KIAA1217: variants seen among roughly 807,000 people sequenced by gnomAD.
The protein encoded by KIAA1217 is KIAA1217.
KIAA1217 carries 88 observed loss-of-function variants against 163.9 expected under a neutral mutation model. The observed-to-expected ratio is 0.54, with a 90% confidence interval of 0.45 to 0.64. The LOEUF is 0.64. Ranked by LOEUF, KIAA1217 falls within the 30% of genes least tolerant of loss-of-function variation. The pLI is 0.00. For synonymous variants in KIAA1217, 903 were observed against 923.1 expected, an observed-to-expected ratio of 0.98 and a Z score of 0.39; for missense variants, 2,372 against 2,475.0, an observed-to-expected ratio of 0.96 and a Z score of 0.88.
rs927194831 is a variant in KIAA1217 at position 24,543,219 on chromosome 10, T to A, written c.3949T>A (p.Cys1317Ser). The change falls in exon 19 of 21, where the codon TGT (cysteine) becomes AGT (serine). Residue 1317 changes from cysteine to serine, a missense_variant. Coordinates refer to ENST00000376454, the MANE Select transcript of KIAA1217 (RefSeq NM_019590.5). ...GATGGAAAAGCAAAATACGGATAAG[T>A]GTCACGTTTCCTCTCACACTAGACT... Reference protein sequence around the residue: ...KEMEKQNTDKCHVSSHTRLTE... With the variant: ...KEMEKQNTDKSHVSSHTRLTE... 6.2e-7 allele frequency: 1 copy of A among 1,612,918 alleles called. No homozygotes were observed. Among genetic ancestry groups the A allele is most frequent in the Non-Finnish European group, 8.5e-7 (1 of 1,179,912 alleles).
chr10:24,172,356 G>T (rs1353635202), intron 2 of KIAA1217, among the ~76,000 whole-genome samples: 2 of 152,288 alleles, frequency 1.3e-5, no homozygotes, highest in East Asian at 3.9e-4. Context: ...AGACAAGATA[G>T]ACTGCTCTGG....
chr10:24,426,960 T>G (rs1409666445), intron 3 of KIAA1217, among the ~76,000 whole-genome samples: 1 of 152,134 alleles, frequency 6.6e-6, no homozygotes, highest in Non-Finnish European at 1.5e-5. Context: ...TGTCCCACAT[T>G]CTGGAACTGA....
At chr10:23,791,253 T>C (rs1183683477) in intron 1 of KIAA1217, among the ~76,000 whole-genome samples, 2 of 152,136 alleles carry the variant, frequency 1.3e-5, no homozygotes, top group East Asian at 3.8e-4. Context: ...TAATGAAAAA[T>C]GTCAAACCTA....
chr10:24,404,489 C>G (rs1236485622), intron 3 of KIAA1217, among the ~76,000 whole-genome samples: 1 of 148,844 alleles, frequency 6.7e-6, no homozygotes, highest in Non-Finnish European at 1.5e-5. Flanking sequence ...ATCTCTTGAA[C>G]CCGGGAGGCA....
intron 1 of KIAA1217, among the ~76,000 whole-genome samples, chr10:23,748,588 A>C: frequency 4.2e-5 from 2 of 47,210 alleles, no homozygotes; most frequent in Admixed American, 2.4e-4. Flanking sequence ...GGAAGGGGGG[A>C]GGGAAGATGG....
At chr10:24,328,465 T>A (rs1238731669) in intron 2 of KIAA1217, among the ~76,000 whole-genome samples, 1 of 150,348 alleles carries the variant, frequency 6.7e-6, no homozygotes, top group Admixed American at 6.7e-5. Context: ...AATGTAACCA[T>A]CTCAAGTTTT....
At chr10:23,761,984 A>G (rs1168067680) in intron 1 of KIAA1217, among the ~76,000 whole-genome samples, 1 of 152,196 alleles carries the variant, frequency 6.6e-6, no homozygotes, top group East Asian at 1.9e-4. Flanking sequence ...ACCTCTATAC[A>G]AATAAACTAG....
chr10:23,814,956 A>G (rs975560439), intron 1 of KIAA1217, among the ~76,000 whole-genome samples: 2 of 152,176 alleles, frequency 1.3e-5, no homozygotes, highest in Non-Finnish European at 2.9e-5. Context: ...CCAGGTCAGG[A>G]TTTTATGGCT....
intron 1 of KIAA1217, among the ~76,000 whole-genome samples, chr10:23,801,354 G>A (rs7900015): frequency 0.05 from 7,669 of 152,124 alleles, 214 homozygotes; most frequent in South Asian, 0.083. Context: ...GAGGGATAGC[G>A]TTAGGATTAA....
At chr10:23,934,575 A>ATGTGTGTG (rs1420302818) in intron 1 of KIAA1217, among the ~76,000 whole-genome samples, 13 of 65,966 alleles carry the variant, frequency 2.0e-4, no homozygotes, top group South Asian at 1.2e-3. Context: ...ATATATATAT[A>ATGTGTGTG]TATATATATA....
intron 1 of KIAA1217, among the ~76,000 whole-genome samples, chr10:23,696,084 C>T (rs181254255): frequency 6.6e-6 from 1 of 152,334 alleles, no homozygotes; most frequent in Admixed American, 6.5e-5. Context: ...CCTCGAGACC[C>T]TCGACATTCT....
At position 24,275,826 on chromosome 10, in the gene KIAA1217, A is replaced by G. The variant is rs375991387; in HGVS notation, c.354+55917A>G. The stretch of plus-strand genomic sequence containing the variant: ...ATCAGTGCAGTTTGGTTAATGATAA[A>G]ATTTTCCAAAGCAGTGTCTCATCTG... On this transcript the variant is annotated intron_variant, in intron 2 of 20. Coordinates refer to ENST00000376454, the MANE Select transcript of KIAA1217 (RefSeq NM_019590.5). 26 of 465,294 alleles carry G rather than the reference A, an allele frequency of 5.6e-5. 1 individual carries two copies. Among genetic ancestry groups the G allele is most frequent in the Admixed American group, 3.8e-4 (15 of 39,568 alleles). The allele number at this position is 465,294 out of a possible 1,614,324, so 28.8% of individuals were successfully genotyped here. A position where few individuals can be genotyped will look rare whatever the true frequency, so the allele number is the denominator to read the frequency against.
intron 2 of KIAA1217, among the ~76,000 whole-genome samples, chr10:24,225,046 C>T (rs190736361): frequency 8.6e-5 from 13 of 151,854 alleles, no homozygotes; most frequent in Non-Finnish European, 1.3e-4. Flanking sequence ...AGGATGGTCT[C>T]GATCTCCTGA....
chr10:23,977,431 G>A (rs564764144), intron 1 of KIAA1217, among the ~76,000 whole-genome samples: 2 of 152,256 alleles, frequency 1.3e-5, no homozygotes, highest in Admixed American at 1.3e-4. Flanking sequence ...CAGCTAATAA[G>A]TGACAGAGTT....
At chr10:24,200,103 G>A (rs2067180010) in intron 2 of KIAA1217, among the ~76,000 whole-genome samples, 1 of 151,834 alleles carries the variant, frequency 6.6e-6, no homozygotes, top group Non-Finnish European at 1.5e-5. Flanking sequence ...TCTACCTCCT[G>A]CTGCTACGCG....
intron 2 of KIAA1217, among the ~76,000 whole-genome samples, chr10:24,246,185 T>C (rs1157175693): frequency 6.6e-6 from 1 of 152,174 alleles, no homozygotes; most frequent in Non-Finnish European, 1.5e-5. Context: ...ATTTCTCCCT[T>C]GTGGGCTGTG....
At chr10:23,912,519 G>T (rs1842479026) in intron 1 of KIAA1217, among the ~76,000 whole-genome samples, 1 of 151,980 alleles carries the variant, frequency 6.6e-6, no homozygotes, top group Non-Finnish European at 1.5e-5. Context: ...CCCAGTGTCT[G>T]TTATTACTTT....
At chr10:23,956,093 T>A (rs1844545347) in intron 1 of KIAA1217, among the ~76,000 whole-genome samples, 1 of 152,204 alleles carries the variant, frequency 6.6e-6, no homozygotes, top group Non-Finnish European at 1.5e-5. Context: ...ACAGGCTCAG[T>A]GAAGACAAAT....
upstream of KIAA1217, chr10:24,209,065 T>A (rs540300388): frequency 2.9e-6 from 2 of 695,780 alleles, no homozygotes; most frequent in Non-Finnish European, 4.9e-6. Flanking sequence ...GGAAAATAGT[T>A]TGGGGTGGGG....
Sources: gnomAD v4.1 joint callset for allele counts (sites outside exome capture counted in the v4.1 genomes callset) on GRCh38, gnomAD v4.1.1 for gene constraint, MANE v1.5 for transcripts, NCBI Gene and HGNC (gene_info 2026-07-23, HGNC 2026-07-21) for gene names.